ZNF155: variants seen among roughly 807,000 people sequenced by gnomAD.
ZNF155 encodes the protein KRAB A domain.
In ZNF155, 15 loss-of-function variants were observed where a neutral mutation model predicts 11.9. The ratio of observed to expected loss-of-function variants is 1.26; its 90% CI spans 0.84 to 1.94. The LOEUF (loss-of-function observed/expected upper bound fraction) is 1.94, where lower values mean the gene tolerates loss of function less well. ZNF155 is among the 30% of genes most tolerant of loss of function. The pLI is 0.00. For missense variants in ZNF155, 602 were observed against 639.1 expected (o/e 0.94, Z 0.63); for synonymous variants, 212 against 219.9 (o/e 0.96, Z 0.32).
chr19:43,988,679 C>T, intron 2 of ZNF155, 121 bp downstream of exon 2: 1 of 1,069,750 alleles, frequency 9.3e-7, no homozygotes, highest in Non-Finnish European at 1.3e-6. Flanking sequence ...CTGTTTGTGC[C>T]AGGTGCTTCC....
intron 1 of ZNF155, among the ~76,000 whole-genome samples, chr19:43,987,185 A>G (rs1397730873): frequency 8.5e-5 from 13 of 152,246 alleles, no homozygotes. Context: ...ATTCCATAAC[A>G]TCATGTTATC....
At chr19:43,990,061 G>A (rs1265066915) in intron 2 of ZNF155, 7 of 1,518,120 alleles carry the variant, frequency 4.6e-6, no homozygotes, top group Middle Eastern at 3.4e-4. Flanking sequence ...ACCTGCTCTT[G>A]GTCATGATAA....
rs1253222165 is a variant in ZNF155 at position 43,998,052 on chromosome 19, T to G, written c.*578T>G. On this transcript the variant is annotated 3_prime_UTR_variant, in exon 5 of 5. Coordinates refer to ENST00000270014, the MANE Select transcript of ZNF155 (RefSeq NM_198089.3). ...GTCCCAGGCCAAGCTGAATAGCCCT[T>G]AGGAATAATCACTTCAACTCCTGAT... The G allele has an allele frequency of 1.8e-5, 2 of 108,606 alleles. No individual in the cohort carries two copies. The highest frequency in any genetic ancestry group is 8.0e-5 in the African/African-American group (2 of 24,950). 6.7% of individuals were successfully genotyped at this position (108,606 alleles called of 1,614,324 possible).
rs370798364 is a variant in ZNF155 at position 43,997,266 on chromosome 19, G to T, written c.1409G>T (p.Ser470Ile). 3.7e-6 allele frequency: 6 copies of T among 1,613,942 alleles called. No individual in the cohort carries two copies. The African/African-American group carries it at 5.3e-5, about 14-fold the overall frequency. Reference protein sequence around the residue: ...ECGKNFSRASSILNHKRLHCQ... With the variant: ...ECGKNFSRASIILNHKRLHCQ... ...GGGAAGAACTTTAGCCGGGCCTCAA[G>T]TATTTTGAATCATAAGAGACTCCAC... Residue 470 changes from serine to isoleucine, a missense_variant, in exon 5 of 5, where the codon AGT (serine) becomes ATT (isoleucine). Ser to Ile is a moderately radical substitution (Grantham distance 142). Transcript: ENST00000270014.
In ZNF155 at chr19:43,996,560, G is replaced by C; in HGVS notation, c.703G>C (p.Glu235Gln). 1.2e-6 allele frequency: 2 copies of C among 1,614,086 alleles called. No individual in the cohort carries two copies. The highest frequency in any genetic ancestry group is 8.5e-7 in the Non-Finnish European group (1 of 1,180,002). Reference protein sequence around the residue: ...VHTGEKPFKCEQCGKGFSRRS... With the variant: ...VHTGEKPFKCQQCGKGFSRRS... ...CACTGGAGAGAAACCATTCAAATGT[G>C]AGCAATGTGGGAAAGGTTTCAGTCG... Residue 235 changes from glutamate (E) to glutamine (Q), a missense_variant, in exon 5 of 5, where the codon GAG becomes CAG. Transcript: ENST00000270014.
At chr19:43,990,742 T>G (rs1209673178) in intron 2 of ZNF155, among the ~76,000 whole-genome samples, 1 of 152,220 alleles carries the variant, frequency 6.6e-6, no homozygotes, top group Non-Finnish European at 1.5e-5. Context: ...GTGTGAGTCC[T>G]GTGAGACAGA....
intron 4 of ZNF155, among the ~76,000 whole-genome samples, chr19:43,995,123 T>TG (rs1975792073): frequency 6.6e-6 from 1 of 151,886 alleles, no homozygotes; most frequent in Non-Finnish European, 1.5e-5. Context: ...TTTTTTTTTT[T>TG]GAGGCAGAGT....
At position 43,987,909 on chromosome 19, in the gene ZNF155, A is replaced by G. The variant is rs149422235; in HGVS notation, c.-85-550A>G. Among the ~76,000 whole-genome samples the G allele has an allele frequency of 5.3e-3, 805 of 152,372 alleles. 5 individuals carry two copies. Among genetic ancestry groups the G allele is most frequent in the Middle Eastern group, 0.01 (3 of 294 alleles). ...CAATTCAGTGATCTTCAGGAATTTC[A>G]CATAGTGGTTTTGCCATCATCATGA... is the stretch of plus-strand genomic sequence containing the variant. On this transcript the variant is annotated intron_variant, in intron 1 of 4. Coordinates refer to ENST00000270014, the MANE Select transcript of ZNF155 (RefSeq NM_198089.3).
At chr19:43,991,974 C>T in intron 4 of ZNF155, 40 bp downstream of exon 4, 1 of 1,572,142 alleles carries the variant, frequency 6.4e-7, no homozygotes, top group Non-Finnish European at 8.7e-7. Flanking sequence ...ACCTGACTCT[C>T]CCACCTGTTG....
intron 1 of ZNF155, among the ~76,000 whole-genome samples, chr19:43,988,073 G>A (rs1361859845): frequency 1.3e-5 from 2 of 152,140 alleles, no homozygotes; most frequent in Admixed American, 6.5e-5. Context: ...TATAGCTTGA[G>A]CTCAGGAGTT....
chr19:43,993,737 A>C (rs1174786065), intron 4 of ZNF155, among the ~76,000 whole-genome samples: 1 of 152,234 alleles, frequency 6.6e-6, no homozygotes, highest in Non-Finnish European at 1.5e-5. Context: ...TATAAGTGAC[A>C]GTGTATTAAA....
chr19:43,996,861 G>C lies in ZNF155; in HGVS notation c.1004G>C (p.Cys335Ser). 1 of 1,613,748 alleles carries C rather than the reference G, an allele frequency of 6.2e-7. No individual in the cohort carries two copies. The highest frequency in any genetic ancestry group is 2.2e-5 in the East Asian group (1 of 44,828). Residue 335 changes from cysteine (C) to serine (S), a missense_variant, in exon 5 of 5, where the codon TGC becomes TCC. By Grantham distance (112) the Cys-to-Ser change is moderately radical. Coordinates refer to ENST00000270014, the MANE Select transcript of ZNF155 (RefSeq NM_198089.3). ...CAGAGATCAGCACTTAATAGGCATT[G>C]CATGGTCCACACAGGAGAGAAACCG... ...FHQRSALNRH[C>S]MVHTGEKPYR...
intron 2 of ZNF155, among the ~76,000 whole-genome samples, chr19:43,989,497 A>G (rs957425779): frequency 2.6e-5 from 4 of 152,286 alleles, no homozygotes; most frequent in Admixed American, 2.6e-4. Context: ...CAGGCAACCA[A>G]AGGTCAGGAG....
At position 43,996,202 on chromosome 19, in the gene ZNF155, G is replaced by C; in HGVS notation, c.345G>C (p.Gln115His). 6.2e-7 allele frequency: 1 copy of C among 1,614,126 alleles called. No homozygotes were observed. The highest frequency in any genetic ancestry group is 8.5e-7 in the Non-Finnish European group (1 of 1,180,018). Residue 115 changes from glutamine (Q) to histidine (H), a missense_variant, in exon 5 of 5, where the codon CAG becomes CAC. Coordinates refer to ENST00000270014, the MANE Select transcript of ZNF155 (RefSeq NM_198089.3). ...EQIAKDLTRS[Q>H]DSIINNSQFF... ...TTGCAAAAGACTTAACCAGGTCTCAGGACTCTATCATAAATAACTCTCAGT... is the reference window on the plus strand; with the variant it reads ...TTGCAAAAGACTTAACCAGGTCTCACGACTCTATCATAAATAACTCTCAGT...
rs1489174182 is a variant in ZNF155 at position 43,997,674 on chromosome 19, C to T, written c.*200C>T. On this transcript the variant is annotated 3_prime_UTR_variant, in exon 5 of 5. Coordinates refer to ENST00000270014, the MANE Select transcript of ZNF155 (RefSeq NM_198089.3). ...GACCCCCAGCCAAACGGGTCAGTGT[C>T]TCATCCCCACATAACACAAAAAGCA... The T allele has an allele frequency of 1.9e-6, 1 of 537,016 alleles. No homozygotes were observed. The highest frequency in any genetic ancestry group is 3.2e-6 in the Non-Finnish European group (1 of 309,640). 33.3% of individuals were successfully genotyped at this position (537,016 alleles called of 1,614,324 possible). A position where few individuals can be genotyped will look rare whatever the true frequency, so the allele number is the denominator to read the frequency against.
intron 4 of ZNF155, among the ~76,000 whole-genome samples, chr19:43,993,741 T>C (rs1408355154): frequency 6.6e-6 from 1 of 152,208 alleles, no homozygotes. Flanking sequence ...AGTGACAGTG[T>C]ATTAAATATA....
At chr19:43,992,478 A>C (rs577487315) in intron 4 of ZNF155, among the ~76,000 whole-genome samples, 15 of 152,318 alleles carry the variant, frequency 9.8e-5, no homozygotes, top group Non-Finnish European at 1.9e-4. Context: ...TTTCTGCCTG[A>C]ATGTTCTTGG....
At chr19:43,993,033 A>G (rs1975718889) in intron 4 of ZNF155, among the ~76,000 whole-genome samples, 1 of 152,222 alleles carries the variant, frequency 6.6e-6, no homozygotes, top group African/African-American at 2.4e-5. Context: ...ATTTCCAGCT[A>G]CATTTCCTTT....
chr19:43,996,625 A>G lies in ZNF155; in HGVS notation c.768A>G (p.Gly256=). Residue 256 remains glycine, a synonymous_variant, in exon 5 of 5, where the codon GGA becomes GGG. Transcript: ENST00000270014. ...ATGTTCATCGTAAATTACACACAGG[A>G]GAGAAACCTTACATTTGTGAGGCAT... ...ALNVHRKLHT[G]EKPYICEACG... 6.2e-7 allele frequency: 1 copy of G among 1,613,764 alleles called. No individual in the cohort carries two copies. The highest frequency in any genetic ancestry group is 1.1e-5 in the South Asian group (1 of 91,054).
Sources: allele counts gnomAD v4.1 joint callset (sites outside exome capture counted in the v4.1 genomes callset), GRCh38; gene constraint gnomAD v4.1.1; transcripts MANE v1.5; gene names NCBI Gene and HGNC (gene_info 2026-07-23, HGNC 2026-07-21).